DPP10: variants seen among roughly 807,000 people sequenced by gnomAD.
The protein encoded by DPP10 is dipeptidyl peptidase like 10.
Under a neutral mutation model 120.9 loss-of-function variants are expected in DPP10, and 33 were observed. That is an observed-to-expected ratio of 0.27 (90% CI 0.21 to 0.37). The LOEUF (loss-of-function observed/expected upper bound fraction) is 0.37. Ranked by LOEUF, DPP10 falls within the 10% of genes least tolerant of loss-of-function variation. DPP10 has a pLI of 1.00. For missense variants in DPP10, 816 were observed against 942.8 expected (o/e 0.87, Z 1.76); for synonymous variants, 337 against 326.1 (o/e 1.03, Z -0.36).
At chr2:115,502,584 CG>C (rs1558765988) in intron 4 of DPP10, among the ~76,000 whole-genome samples, 1 of 152,114 alleles carries the variant, frequency 6.6e-6, no homozygotes, top group African/African-American at 2.4e-5. Flanking sequence ...CTGAAAATAC[CG>C]GCAGCTATAA....
chr2:115,558,118 G>T (rs890877133), intron 5 of DPP10, among the ~76,000 whole-genome samples: 3 of 152,116 alleles, frequency 2.0e-5, no homozygotes, highest in Non-Finnish European at 4.4e-5. Flanking sequence ...AATGGTACTT[G>T]TCCTATTTCA....
At chr2:114,679,980 A>G (rs1698919793) in intron 1 of DPP10, among the ~76,000 whole-genome samples, 1 of 152,014 alleles carries the variant, frequency 6.6e-6, no homozygotes, top group Non-Finnish European at 1.5e-5. Flanking sequence ...GATTCTCCGC[A>G]GGTATTTTCC....
chr2:114,664,418 C>T lies in DPP10; in HGVS notation c.60+221580C>T, dbSNP rs149269099. Among the ~76,000 whole-genome samples the T allele has an allele frequency of 5.4e-3, 826 of 151,930 alleles. 11 individuals carry two copies. Among genetic ancestry groups the T allele is most frequent in the African/African-American group, 0.019 (774 of 41,464 alleles). ...CCGAGGCGGATGGATCACCTGAAGT[C>T]AGGAGTTTGAGACCAGCCTGACCAA... On this transcript the variant is annotated intron_variant, in intron 1 of 25. Coordinates refer to ENST00000410059, the MANE Select transcript of DPP10 (RefSeq NM_020868.6).
chr2:115,571,943 C>T (rs552154926), intron 5 of DPP10, among the ~76,000 whole-genome samples: 2 of 151,992 alleles, frequency 1.3e-5, no homozygotes, highest in South Asian at 2.1e-4. Flanking sequence ...TAAATTATTA[C>T]GGACCATTTT....
chr2:114,544,291 G>A (rs538903857), intron 1 of DPP10, among the ~76,000 whole-genome samples: 30 of 152,296 alleles, frequency 2.0e-4, no homozygotes, highest in Middle Eastern at 3.4e-3. Flanking sequence ...AAAGCCCCAC[G>A]AGGCAAGAAC....
At chr2:115,808,275 A>G (rs945103389) in intron 19 of DPP10, among the ~76,000 whole-genome samples, 2 of 152,220 alleles carry the variant, frequency 1.3e-5, no homozygotes, top group South Asian at 2.1e-4. Context: ...AATTATGTGT[A>G]TTTGTGCAAA....
intron 1 of DPP10, among the ~76,000 whole-genome samples, chr2:115,223,538 A>G (rs770893733): frequency 2.0e-5 from 3 of 152,192 alleles, no homozygotes; most frequent in Non-Finnish European, 4.4e-5. Context: ...TAAGGAGTTA[A>G]TAGTTTTAAT....
chr2:115,415,045 G>A (rs181467158), intron 3 of DPP10, among the ~76,000 whole-genome samples: 1 of 152,108 alleles, frequency 6.6e-6, no homozygotes, highest in Non-Finnish European at 1.5e-5. Context: ...AGCCTTACTT[G>A]TGCCTTATTC....
At chr2:115,664,245 A>G (rs922141146) in intron 5 of DPP10, among the ~76,000 whole-genome samples, 2 of 151,874 alleles carry the variant, frequency 1.3e-5, no homozygotes, top group Non-Finnish European at 2.9e-5. Flanking sequence ...ATACTAATGA[A>G]TATAATACAT....
intron 23 of DPP10, 42 bp downstream of exon 23, chr2:115,836,607 T>C (rs766907245): frequency 1.2e-5 from 20 of 1,608,926 alleles, no homozygotes; most frequent in Non-Finnish European, 1.7e-5. Context: ...AGTATTTTTG[T>C]TCTAAAAAAT....
At chr2:115,744,516 C>T (rs991493259) in intron 9 of DPP10, among the ~76,000 whole-genome samples, 2 of 150,306 alleles carry the variant, frequency 1.3e-5, no homozygotes, top group Non-Finnish European at 2.9e-5. Flanking sequence ...GCGGGAGGCT[C>T]ATAGCTTATC....
intron 4 of DPP10, among the ~76,000 whole-genome samples, 153 bp downstream of exon 4, chr2:115,499,757 T>C (rs1333177546): frequency 6.6e-6 from 1 of 152,022 alleles, no homozygotes; most frequent in Non-Finnish European, 1.5e-5. Flanking sequence ...AGTAAATCTA[T>C]TGATAAAAAA....
chr2:114,952,232 T>C (rs149621224), intron 1 of DPP10, among the ~76,000 whole-genome samples: 1,529 of 152,070 alleles, frequency 0.01, 16 homozygotes, highest in Non-Finnish European at 0.016. Context: ...CAAGTGCTTA[T>C]ATATAAATTA....
intron 7 of DPP10, among the ~76,000 whole-genome samples, chr2:115,691,412 A>G (rs1467176658): frequency 1.3e-5 from 2 of 152,040 alleles, no homozygotes; most frequent in African/African-American, 4.8e-5. Flanking sequence ...TTAAGTCCCT[A>G]TCCATTTTTA....
At position 115,836,153 on chromosome 2, in the gene DPP10, C is replaced by T. The variant is rs1689497994; in HGVS notation, c.1951-4C>T. 6.5e-7 allele frequency: 1 copy of T among 1,542,748 alleles called. No homozygotes were observed. On this transcript the variant is annotated splice_polypyrimidine_tract_variant and splice_region_variant and intron_variant, in intron 21 of 25. Transcript: ENST00000410059. The stretch of plus-strand genomic sequence containing the variant: ...ATATATATATATATATTTTTCCCCC[C>T]CAGGGTTATGGTGGCTATATTGCAT...
chr2:114,818,867 C>G (rs1338197273), intron 1 of DPP10, among the ~76,000 whole-genome samples: 1 of 152,104 alleles, frequency 6.6e-6, no homozygotes, highest in African/African-American at 2.4e-5. Context: ...ATGCCATTCC[C>G]TAATAAATGA....
rs145567670 is a variant in DPP10, at chr2:115,045,448, G to T, written c.61-263791G>T. Among the ~76,000 whole-genome samples the T allele has an allele frequency of 1.9e-3, 295 of 152,218 alleles. 4 individuals carry two copies. Among genetic ancestry groups the T allele is most frequent in the Admixed American group, 0.013 (205 of 15,288 alleles). On this transcript the variant is annotated intron_variant, in intron 1 of 25. Transcript: ENST00000410059. ...TATAAATTTCCTGTACTTGAATGTT[G>T]ATATCTTTCTCTAACTTTGGAAAGT... is the stretch of plus-strand genomic sequence containing the variant.
chr2:115,400,444 TTCTA>T (rs1319166316), intron 3 of DPP10, among the ~76,000 whole-genome samples: 1 of 151,754 alleles, frequency 6.6e-6, no homozygotes, highest in Non-Finnish European at 1.5e-5. Context: ...GTACAGATGC[TTCTA>T]GACTTACAAT....
chr2:114,963,499 A>T (rs1040732372), intron 1 of DPP10, among the ~76,000 whole-genome samples: 2 of 152,246 alleles, frequency 1.3e-5, no homozygotes, highest in Middle Eastern at 3.2e-3. Context: ...ATTAACACAT[A>T]TATATCAGAG....
Sources: allele counts gnomAD v4.1 joint callset (sites outside exome capture counted in the v4.1 genomes callset), GRCh38; gene constraint gnomAD v4.1.1; transcripts MANE v1.5; gene names NCBI Gene and HGNC (gene_info 2026-07-23, HGNC 2026-07-21).